The following TMEM170B variants were observed in gnomAD, a reference collection of about 807,000 sequenced individuals.
The protein encoded by TMEM170B is transmembrane protein 170B.
In TMEM170B, 6 loss-of-function variants were observed where a neutral mutation model predicts 13.0. The observed-to-expected ratio is 0.46, with a 90% CI of 0.25 to 0.91. TMEM170B has a LOEUF of 0.91. Among genes scored for constraint, TMEM170B ranks in the 40% least tolerant of loss-of-function variants. The pLI, the probability that TMEM170B is intolerant of heterozygous loss-of-function variation, is 0.17. For synonymous variants in TMEM170B, 61 were observed against 64.9 expected, an observed-to-expected ratio of 0.94 and a Z score of 0.29; for missense variants, 138 against 165.2, an observed-to-expected ratio of 0.84 and a Z score of 0.90.
At chr6:11,551,121 G>T (rs1396912151) in intron 1 of TMEM170B, among the ~76,000 whole-genome samples, 3 of 152,164 alleles carry the variant, frequency 2.0e-5, no homozygotes, top group Admixed American at 1.3e-4. Flanking sequence ...AGGGCTGGGG[G>T]TTCAGCTCCC....
At chr6:11,544,578 C>T (rs972309709) in intron 1 of TMEM170B, among the ~76,000 whole-genome samples, 1 of 152,176 alleles carries the variant, frequency 6.6e-6, no homozygotes, top group Non-Finnish European at 1.5e-5. Flanking sequence ...CATTATCTAG[C>T]CAGTTTTAGA....
intron 2 of TMEM170B, among the ~76,000 whole-genome samples, chr6:11,570,139 T>C (rs1393439887): frequency 1.3e-5 from 2 of 152,174 alleles, no homozygotes; most frequent in Admixed American, 1.3e-4. Context: ...CCCAAGAACA[T>C]GTAGTGTAGC....
At chr6:11,555,847 A>G (rs913437435) in intron 1 of TMEM170B, among the ~76,000 whole-genome samples, 1 of 152,146 alleles carries the variant, frequency 6.6e-6, no homozygotes, top group African/African-American at 2.4e-5. Flanking sequence ...TTTTGATTGA[A>G]AAAGTCTCAC....
At chr6:11,573,861 A>T (rs147723237) in intron 2 of TMEM170B, among the ~76,000 whole-genome samples, 135 of 152,254 alleles carry the variant, frequency 8.9e-4, no homozygotes, top group African/African-American at 2.8e-3. Flanking sequence ...AAGGTGTAGG[A>T]TACTTAATAT....
intron 1 of TMEM170B, among the ~76,000 whole-genome samples, chr6:11,548,320 A>G (rs968638657): frequency 4.6e-5 from 7 of 152,234 alleles, no homozygotes; most frequent in Non-Finnish European, 8.8e-5. Flanking sequence ...CAGACACAAG[A>G]AAAAATGCTC....
intron 1 of TMEM170B, among the ~76,000 whole-genome samples, chr6:11,563,794 G>A (rs1463203777): frequency 6.6e-6 from 1 of 152,148 alleles, no homozygotes; most frequent in African/African-American, 2.4e-5. Flanking sequence ...GGCAGATCCT[G>A]TCTCTACAAA....
intron 1 of TMEM170B, among the ~76,000 whole-genome samples, chr6:11,562,464 A>G (rs756117257): frequency 6.6e-6 from 1 of 151,178 alleles, no homozygotes; most frequent in African/African-American, 2.4e-5. Context: ...AATATATCAG[A>G]TGTATCTTCT....
chr6:11,558,419 A>T (rs567987749), intron 1 of TMEM170B, among the ~76,000 whole-genome samples: 22 of 152,206 alleles, frequency 1.4e-4, no homozygotes, highest in Non-Finnish European at 8.8e-5. Flanking sequence ...ATTGTGTTTT[A>T]GAGCAGTGGT....
At chr6:11,540,346 A>G (rs922887899) in intron 1 of TMEM170B, among the ~76,000 whole-genome samples, 2 of 152,220 alleles carry the variant, frequency 1.3e-5, no homozygotes, top group South Asian at 2.1e-4. Context: ...GGCTTTATCA[A>G]CCGAGTTTAT....
intron 1 of TMEM170B, among the ~76,000 whole-genome samples, chr6:11,541,698 A>G (rs558688449): frequency 1.3e-5 from 2 of 152,348 alleles, no homozygotes; most frequent in African/African-American, 4.8e-5. Flanking sequence ...CGAGAGGCCT[A>G]GCTTTCAGCC....
intron 2 of TMEM170B, among the ~76,000 whole-genome samples, chr6:11,571,510 T>A (rs1759801516): frequency 6.6e-6 from 1 of 152,180 alleles, no homozygotes; most frequent in South Asian, 2.1e-4. Flanking sequence ...CTTGGCAGTA[T>A]TGCTTTCTCC....
In TMEM170B at chr6:11,576,321, A is replaced by T. The variant is rs2113786548; in HGVS notation, c.*760A>T. ...TGTTTATACAAATTCAGAAACTTGAAGGGTCATACACATTGATTGTAGTTT... is the reference window on the plus strand; with the variant it reads ...TGTTTATACAAATTCAGAAACTTGATGGGTCATACACATTGATTGTAGTTT... On this transcript the variant is annotated 3_prime_UTR_variant, in exon 3 of 3. Transcript: ENST00000379426. 6.6e-6 allele frequency: 1 copy of T among 152,272 alleles called. No individual in the cohort carries two copies. Among genetic ancestry groups the T allele is most frequent in the Non-Finnish European group, 1.5e-5 (1 of 68,002 alleles). 9.4% of individuals were successfully genotyped at this position (152,272 alleles called of 1,614,324 possible).
intron 2 of TMEM170B, among the ~76,000 whole-genome samples, chr6:11,568,211 T>C (rs1759759819): frequency 6.6e-6 from 1 of 152,180 alleles, no homozygotes. Flanking sequence ...GGCCAGGTTC[T>C]GAACTAGAGT....
At chr6:11,554,128 T>A (rs1759558708) in intron 1 of TMEM170B, among the ~76,000 whole-genome samples, 1 of 152,138 alleles carries the variant, frequency 6.6e-6, no homozygotes, top group Non-Finnish European at 1.5e-5. Flanking sequence ...ATTGAGAATT[T>A]CATTACAAGT....
chr6:11,583,263 G>A lies in TMEM170B; in HGVS notation c.*7702G>A, dbSNP rs918519853. 5.3e-5 allele frequency: 8 copies of A among 152,146 alleles called. No homozygotes were observed. The highest frequency in any genetic ancestry group is 1.9e-4 in the African/African-American group (8 of 41,430). 9.4% of individuals were successfully genotyped at this position (152,146 alleles called of 1,614,324 possible). ...CTAGGTTCCAATTCATTGCTTTAAG[G>A]AAAAGATGCACAATTACTATCATTC... On this transcript the variant is annotated 3_prime_UTR_variant, in exon 3 of 3. Coordinates refer to ENST00000379426, the MANE Select transcript of TMEM170B (RefSeq NM_001100829.3).
At chr6:11,549,639 G>A (rs1759497191) in intron 1 of TMEM170B, among the ~76,000 whole-genome samples, 1 of 151,846 alleles carries the variant, frequency 6.6e-6, no homozygotes, top group South Asian at 2.1e-4. Context: ...CTCCAGCCTG[G>A]GCGACAGAGC....
chr6:11,542,631 G>T (rs1759377671), intron 1 of TMEM170B, among the ~76,000 whole-genome samples: 1 of 152,198 alleles, frequency 6.6e-6, no homozygotes, highest in South Asian at 2.1e-4. Flanking sequence ...AGTGTACCAC[G>T]TTAGGAACCA....
intron 1 of TMEM170B, among the ~76,000 whole-genome samples, chr6:11,545,958 G>A (rs983909453): frequency 6.8e-6 from 1 of 147,856 alleles, no homozygotes; most frequent in African/African-American, 2.5e-5. Flanking sequence ...CTTGCAGTGA[G>A]CCGAGATTGC....
At chr6:11,538,542 C>A (rs1452188302) in intron 1 of TMEM170B, among the ~76,000 whole-genome samples, 168 bp downstream of exon 1, 1 of 152,076 alleles carries the variant, frequency 6.6e-6, no homozygotes, top group African/African-American at 2.4e-5. Context: ...TGCGCGTGTC[C>A]CGGGGGCGCC....
Sources: allele counts gnomAD v4.1 joint callset (sites outside exome capture counted in the v4.1 genomes callset), GRCh38; gene constraint gnomAD v4.1.1; transcripts MANE v1.5; gene names NCBI Gene and HGNC (gene_info 2026-07-23, HGNC 2026-07-21).